The following FYN variants were observed in gnomAD, a reference collection of about 807,000 sequenced individuals.
The protein encoded by FYN is FYN proto-oncogene, Src family tyrosine kinase, also known as tyrosine-protein kinase Fyn.
FYN carries 10 observed loss-of-function variants against 70.2 expected under a neutral mutation model. The observed-to-expected ratio is 0.14, with a 90% CI of 0.09 to 0.24. FYN has a LOEUF of 0.24. FYN is among the 10% of genes least tolerant of loss of function. FYN has a pLI of 1.00. For missense variants in FYN, 319 were observed against 673.1 expected (o/e 0.47, Z 5.82); for synonymous variants, 236 against 248.6 (o/e 0.95, Z 0.48).
At chr6:111,688,012 C>T (rs979312061) in intron 12 of FYN, among the ~76,000 whole-genome samples, 2 of 151,824 alleles carry the variant, frequency 1.3e-5, no homozygotes, top group Admixed American at 1.3e-4. Context: ...GAAAAGAGGT[C>T]AAGCTATCCA....
At chr6:111,784,737 C>G (rs1233838806) in intron 2 of FYN, among the ~76,000 whole-genome samples, 1 of 152,084 alleles carries the variant, frequency 6.6e-6, no homozygotes, top group East Asian at 1.9e-4. Context: ...TGAGGCTCTC[C>G]AAATCTGTTT....
chr6:111,787,107 T>G (rs1771420845), intron 2 of FYN, among the ~76,000 whole-genome samples: 2 of 152,240 alleles, frequency 1.3e-5, no homozygotes, highest in Non-Finnish European at 2.9e-5. Context: ...TTGTTGCCAT[T>G]GCTTTTGGTG....
chr6:111,784,948 A>G (rs530103191), intron 2 of FYN, among the ~76,000 whole-genome samples: 1 of 152,372 alleles, frequency 6.6e-6, no homozygotes, highest in East Asian at 1.9e-4. Context: ...CTTTGGTCTA[A>G]TTCTGCTTCA....
chr6:111,692,715 T>C (rs1167582271), intron 12 of FYN, among the ~76,000 whole-genome samples: 1 of 152,180 alleles, frequency 6.6e-6, no homozygotes, highest in Non-Finnish European at 1.5e-5. Context: ...CTTAATCAAA[T>C]ATTCATGTCT....
At chr6:111,696,089 G>A (rs1243424578) in intron 10 of FYN, among the ~76,000 whole-genome samples, 188 bp downstream of exon 10, 2 of 152,190 alleles carry the variant, frequency 1.3e-5, no homozygotes, top group East Asian at 3.8e-4. Context: ...GATTTGGGGT[G>A]GGGTAAACGC....
chr6:111,793,323 T>TTTTAAAGTG (rs763608978), intron 2 of FYN, among the ~76,000 whole-genome samples: 54 of 152,346 alleles, frequency 3.5e-4, no homozygotes, highest in Middle Eastern at 3.4e-3. Flanking sequence ...CTTACTGATT[T>TTTTAAAGTG]TTTAAAGTGA....
rs1352427648 is a variant in FYN at position 111,797,693 on chromosome 6, TATA to T, written c.-81-17061_-81-17059del. ...ATATATATATATATATATATATATA[TATA>T]TATATATATATATATACACACACAC... On this transcript the variant is annotated intron_variant, in intron 2 of 13. Coordinates refer to ENST00000354650, the MANE Select transcript of FYN (RefSeq NM_002037.5). 6.8e-4 allele frequency among the ~76,000 whole-genome samples: 53 copies of T among 77,930 alleles called. 1 individual carries two copies. The highest frequency in any genetic ancestry group is 8.7e-4 in the Non-Finnish European group (41 of 47,282). The allele number at this position is 77,930 out of a possible 152,430, so 51.1% of individuals were successfully genotyped here.
chr6:111,736,140 T>C (rs1229430012), intron 3 of FYN, among the ~76,000 whole-genome samples: 1 of 152,146 alleles, frequency 6.6e-6, no homozygotes, highest in African/African-American at 2.4e-5. Flanking sequence ...AAGAGGATCC[T>C]GAAGGAGTGG....
chr6:111,725,960 G>A (rs1420881874), intron 3 of FYN, among the ~76,000 whole-genome samples: 1 of 152,158 alleles, frequency 6.6e-6, no homozygotes, highest in Admixed American at 6.5e-5. Context: ...GCCAGTTCCT[G>A]GAAAAGTAGA....
At chr6:111,706,482 A>G (rs706869) in intron 6 of FYN, among the ~76,000 whole-genome samples, 3,602 of 152,314 alleles carry the variant, frequency 0.024, 150 homozygotes, top group African/African-American at 0.077. Context: ...ACAATTCTTA[A>G]TCTAGCATTA....
intron 2 of FYN, among the ~76,000 whole-genome samples, chr6:111,815,408 C>T (rs1424080641): frequency 1.3e-5 from 2 of 152,104 alleles, no homozygotes; most frequent in Non-Finnish European, 2.9e-5. Flanking sequence ...AAATGTCTTT[C>T]AATTATACTT....
intron 12 of FYN, among the ~76,000 whole-genome samples, chr6:111,686,043 A>C (rs1798989071): frequency 2.0e-5 from 3 of 152,210 alleles, no homozygotes; most frequent in Non-Finnish European, 4.4e-5. Context: ...TGTAGTAGGA[A>C]AGGGTGATTT....
intron 3 of FYN, among the ~76,000 whole-genome samples, chr6:111,737,952 T>C (rs560021905): frequency 1.3e-5 from 2 of 152,332 alleles, no homozygotes; most frequent in African/African-American, 4.8e-5. Context: ...AATTTTTTCT[T>C]TGGTACCAGA....
intron 1 of FYN, among the ~76,000 whole-genome samples, chr6:111,848,988 G>A (rs62413726): frequency 0.035 from 5,272 of 152,084 alleles, 105 homozygotes; most frequent in Non-Finnish European, 0.047. Flanking sequence ...CTTCTCCCAC[G>A]CCCACCCCCG....
intron 2 of FYN, among the ~76,000 whole-genome samples, chr6:111,837,561 C>T (rs887135976): frequency 2.0e-5 from 3 of 152,170 alleles, no homozygotes; most frequent in African/African-American, 7.2e-5. Context: ...CCATCCATGG[C>T]CAGTACTGAC....
At chr6:111,663,489 G>A (rs745798029) in intron 13 of FYN, among the ~76,000 whole-genome samples, 3 of 152,166 alleles carry the variant, frequency 2.0e-5, no homozygotes, top group Non-Finnish European at 4.4e-5. Context: ...GTGTATCCTG[G>A]CTCCTCCTGG....
At chr6:111,681,305 G>A (rs747867114) in intron 12 of FYN, among the ~76,000 whole-genome samples, 7 of 152,128 alleles carry the variant, frequency 4.6e-5, no homozygotes, top group Non-Finnish European at 2.9e-5. Flanking sequence ...TGCAATTACA[G>A]GCATGAGCCA....
intron 12 of FYN, among the ~76,000 whole-genome samples, chr6:111,689,914 A>G (rs1799233226): frequency 6.6e-6 from 1 of 152,184 alleles, no homozygotes; most frequent in Admixed American, 6.5e-5. Context: ...GTTTTACTGT[A>G]TGTGTGTTAT....
chr6:111,709,172 G>A, intron 5 of FYN: 1 of 150,190 alleles, frequency 6.7e-6, no homozygotes, highest in Non-Finnish European at 1.5e-5. Context: ...GAGGCAGCAA[G>A]CAAAACTTCA....
Sources: allele counts gnomAD v4.1 joint callset (sites outside exome capture counted in the v4.1 genomes callset), GRCh38; gene constraint gnomAD v4.1.1; transcripts MANE v1.5; gene names NCBI Gene and HGNC (gene_info 2026-07-23, HGNC 2026-07-21).